Variants in ZNF638 observed in about 807,000 individuals in gnomAD.
ZNF638 encodes the protein CTCL tumor antigen se33-1.
Under a neutral mutation model 195.6 loss-of-function variants are expected in ZNF638, and 46 were observed. The ratio of observed to expected loss-of-function variants is 0.24; its 90% CI spans 0.19 to 0.30. The LOEUF is 0.30. ZNF638 is among the 10% of genes least tolerant of loss of function. ZNF638 has a pLI of 1.00. For synonymous variants in ZNF638, 845 were observed against 772.0 expected (o/e 1.09, Z -1.57); for missense variants, 2,440 against 2,325.3 (o/e 1.05, Z -1.01).
At chr2:71,370,479 T>C (rs1451003665) in intron 8 of ZNF638, among the ~76,000 whole-genome samples, 1 of 152,196 alleles carries the variant, frequency 6.6e-6, no homozygotes, top group Non-Finnish European at 1.5e-5. Flanking sequence ...TTTTGTAACT[T>C]TAATTTTTCT....
chr2:71,376,929 C>A (rs1472876689), intron 8 of ZNF638, among the ~76,000 whole-genome samples: 4 of 152,104 alleles, frequency 2.6e-5, no homozygotes, highest in African/African-American at 7.2e-5. Context: ...AGCAAACATT[C>A]TTTTTTTCCC....
chr2:71,356,298 C>T (rs1442671152), intron 3 of ZNF638, among the ~76,000 whole-genome samples: 1 of 152,168 alleles, frequency 6.6e-6, no homozygotes, highest in African/African-American at 2.4e-5. Flanking sequence ...GACAGGGCAC[C>T]TGTGAAGTTT....
chr2:71,343,274 A>G (rs1391917103), intron 1 of ZNF638, among the ~76,000 whole-genome samples: 2 of 152,204 alleles, frequency 1.3e-5, no homozygotes, highest in African/African-American at 2.4e-5. Flanking sequence ...TAGCCTGGTG[A>G]CTGTCATGTT....
intron 25 of ZNF638, among the ~76,000 whole-genome samples, chr2:71,429,193 C>T (rs2080604257): frequency 6.6e-6 from 1 of 152,178 alleles, no homozygotes; most frequent in Non-Finnish European, 1.5e-5. Flanking sequence ...AAAAAATCAC[C>T]TTGCCAGTAT....
intron 13 of ZNF638, 66 bp downstream of exon 13, chr2:71,399,711 G>A (rs878909103): frequency 4.6e-6 from 6 of 1,315,632 alleles, no homozygotes; most frequent in South Asian, 1.3e-5. Context: ...TTTAAGTTCA[G>A]GGGTACATGT....
intron 1 of ZNF638, among the ~76,000 whole-genome samples, chr2:71,338,669 T>TG (rs1169283133): frequency 6.6e-6 from 1 of 152,220 alleles, no homozygotes; most frequent in African/African-American, 2.4e-5. Context: ...TTTATTTTCC[T>TG]GGGGGGCTGT....
intron 10 of ZNF638, chr2:71,393,572 A>T (rs1396237076): frequency 1.4e-6 from 1 of 717,890 alleles, no homozygotes; most frequent in African/African-American, 1.7e-5. Flanking sequence ...ACAACTTACA[A>T]GGCTGAGCAA....
chr2:71,358,845 A>G (rs1379445097), intron 3 of ZNF638, among the ~76,000 whole-genome samples: 5 of 152,192 alleles, frequency 3.3e-5, no homozygotes, highest in Admixed American at 6.5e-5. Flanking sequence ...AGTCACACTC[A>G]TAGTATTTCA....
rs2080542043 is a variant in ZNF638, at chr2:71,426,468, A to G, written c.4599A>G (p.Leu1533=). The G allele has an allele frequency of 6.4e-7, 1 of 1,565,974 alleles. No homozygotes were observed. The highest frequency in any genetic ancestry group is 1.4e-5 in the African/African-American group (1 of 72,516). Residue 1533 remains leucine, a synonymous_variant, in exon 24 of 28, where the codon TTA becomes TTG. Transcript: ENST00000264447. ...TTTTAACTTTCCAACAGGAGCCATT[A>G]TTTCCATTTAATTTGGATGAATTTG... ...GRSSKSKEEP[L]FPFNLDEFVT...
chr2:71,339,852 G>A lies in ZNF638; in HGVS notation c.-203+7977G>A, dbSNP rs551807458. Among the ~76,000 whole-genome samples the A allele has an allele frequency of 3.3e-5, 5 of 152,300 alleles. No homozygotes were observed. The South Asian group carries it at 1.0e-3, about 32-fold the overall frequency. ...GGCTAACCTGTTACACTTACTAGGA[G>A]TGTTTAGAGCAAGGCCACCAGTGCA... On this transcript the variant is annotated intron_variant, in intron 1 of 27. Transcript: ENST00000264447.
Position 71,402,454 on chromosome 2 carries a change from T to G in ZNF638, c.2829+367T>G, listed in dbSNP as rs538611696. On this transcript the variant is annotated intron_variant, in intron 16 of 27. Coordinates refer to ENST00000264447, the MANE Select transcript of ZNF638 (RefSeq NM_014497.5). Reference sequence around the variant, plus strand: ...AATATGTTTAATACATAAGTATATATATGAGAAAGAACTTACACCAGCAGC... The same window carrying G: ...AATATGTTTAATACATAAGTATATAGATGAGAAAGAACTTACACCAGCAGC... Among the ~76,000 whole-genome samples the G allele has an allele frequency of 1.7e-4, 26 of 152,246 alleles. No homozygotes were observed. The South Asian group carries it at 5.4e-3, about 32-fold the overall frequency.
intron 8 of ZNF638, among the ~76,000 whole-genome samples, chr2:71,378,233 G>A (rs1327486351): frequency 6.6e-6 from 1 of 152,118 alleles, no homozygotes; most frequent in Middle Eastern, 3.2e-3. Context: ...ATCAAAAATT[G>A]GAATGTAGCC....
chr2:71,418,941 A>G (rs2080363201), intron 21 of ZNF638, among the ~76,000 whole-genome samples: 1 of 152,224 alleles, frequency 6.6e-6, no homozygotes, highest in Non-Finnish European at 1.5e-5. Context: ...ATAACTCAAC[A>G]TCACGAACAG....
chr2:71,388,811 A>G (rs1462976763), intron 10 of ZNF638: 3 of 760,466 alleles, frequency 3.9e-6, no homozygotes, highest in East Asian at 2.7e-5. Context: ...TGTCCGCACA[A>G]CAGAAACAGT....
At chr2:71,400,406 T>G (rs2079983371) in intron 14 of ZNF638, 72 bp from the exon 15 acceptor site, 3 of 1,435,966 alleles carry the variant, frequency 2.1e-6, no homozygotes, top group Non-Finnish European at 2.9e-6. Context: ...AGCTACTGTT[T>G]AACCTATTGT....
chr2:71,356,544 C>G (rs1304445448), intron 3 of ZNF638, among the ~76,000 whole-genome samples: 1 of 152,114 alleles, frequency 6.6e-6, no homozygotes, highest in African/African-American at 2.4e-5. Context: ...AATCTGAGCA[C>G]TTTGGAAGGC....
chr2:71,418,748 TA>T lies in ZNF638; in HGVS notation c.3299+110del. The T allele has an allele frequency of 3.9e-6, 3 of 776,550 alleles. 1 individual carries two copies. The South Asian group carries it at 8.8e-5, about 23-fold the overall frequency. The allele number at this position is 776,550 out of a possible 1,614,324, so 48.1% of individuals were successfully genotyped here. A position where few individuals can be genotyped will look rare whatever the true frequency, so the allele number is the denominator to read the frequency against. On this transcript the variant is annotated intron_variant, in intron 21 of 27. Coordinates refer to ENST00000264447, the MANE Select transcript of ZNF638 (RefSeq NM_014497.5). ...ATGTAGTGAAAAGTTCTTTTCTGCA[TA>T]TTTATTTTGTGTACATATGGGCTTG... is the stretch of plus-strand genomic sequence containing the variant.
chr2:71,412,815 T>C (rs959464932), intron 20 of ZNF638, among the ~76,000 whole-genome samples: 1 of 117,760 alleles, frequency 8.5e-6, no homozygotes, highest in Non-Finnish European at 1.7e-5. Flanking sequence ...CTGAGGGCTC[T>C]GTTCTGTTCC....
intron 11 of ZNF638, among the ~76,000 whole-genome samples, chr2:71,396,563 CA>C (rs2079898524): frequency 6.6e-6 from 1 of 152,194 alleles, no homozygotes; most frequent in African/African-American, 2.4e-5. Context: ...TTTTCCCTGG[CA>C]TAATCCTTTC....
Sources: gnomAD v4.1 joint callset for allele counts (sites outside exome capture counted in the v4.1 genomes callset) on GRCh38, gnomAD v4.1.1 for gene constraint, MANE v1.5 for transcripts, NCBI Gene and HGNC (gene_info 2026-07-23, HGNC 2026-07-21) for gene names.